THSD7A: variants seen among roughly 807,000 people sequenced by gnomAD.
THSD7A encodes thrombospondin type 1 domain containing 7A.
In THSD7A, 96 loss-of-function variants were observed where a neutral mutation model predicts 231.3. The ratio of observed to expected loss-of-function variants is 0.41; its 90% CI spans 0.35 to 0.49. The LOEUF (loss-of-function observed/expected upper bound fraction) is 0.49, where lower values mean the gene tolerates loss of function less well. Ranked by LOEUF, THSD7A falls within the 20% of genes least tolerant of loss-of-function variation. The pLI, the probability that THSD7A is intolerant of heterozygous loss-of-function variation, is 0.05. For missense variants in THSD7A, 2,290 were observed against 2,070.2 expected, an observed-to-expected ratio of 1.11 and a Z score of -2.06; for synonymous variants, 940 against 743.3, an observed-to-expected ratio of 1.26 and a Z score of -4.30.
At chr7:11,493,257 A>G (rs1333070154) in intron 6 of THSD7A, among the ~76,000 whole-genome samples, 3 of 152,130 alleles carry the variant, frequency 2.0e-5, no homozygotes, top group African/African-American at 4.8e-5. Flanking sequence ...TAAAATGTTC[A>G]TATCTGACCT....
In THSD7A at chr7:11,632,796, A is replaced by G. The variant is rs576995788; in HGVS notation, c.1022+3334T>C. Among the ~76,000 whole-genome samples the G allele has an allele frequency of 6.6e-6, 1 of 152,186 alleles. No homozygotes were observed. The highest frequency in any genetic ancestry group is 1.5e-5 in the Non-Finnish European group (1 of 68,030). ...TTATTTCAACTTCTTCTTGCAGAAT[A>G]TTAGTCTTGTACAATTTCGATGTGT... On this transcript the variant is annotated intron_variant, in intron 2 of 27. Coordinates refer to ENST00000423059, the MANE Select transcript of THSD7A (RefSeq NM_015204.3). The surrounding 1 kb of genome is among the most constrained non-coding windows in gnomAD (Gnocchi z 4.1).
intron 2 of THSD7A, among the ~76,000 whole-genome samples, chr7:11,607,441 G>T (rs1035410250): frequency 1.3e-5 from 2 of 151,938 alleles, no homozygotes; most frequent in Non-Finnish European, 2.9e-5. Flanking sequence ...TTTACTAAAA[G>T]ATCAGTAATG....
At chr7:11,627,472 G>A (rs1229709741) in intron 2 of THSD7A, among the ~76,000 whole-genome samples, 1 of 151,844 alleles carries the variant, frequency 6.6e-6, no homozygotes, top group East Asian at 1.9e-4. Context: ...CACATTTCCT[G>A]AGAAAACCTT....
intron 1 of THSD7A, among the ~76,000 whole-genome samples, chr7:11,701,195 T>TGTG (rs1780589975): frequency 6.6e-6 from 1 of 151,026 alleles, no homozygotes; most frequent in Non-Finnish European, 1.5e-5. Flanking sequence ...TGTGTGTGTG[T>TGTG]TTTATGAGGG....
chr7:11,692,980 A>T (rs1780280469), intron 1 of THSD7A, among the ~76,000 whole-genome samples: 2 of 151,478 alleles, frequency 1.3e-5, no homozygotes, highest in South Asian at 4.1e-4. Context: ...AGGGTATCTC[A>T]TGCTATAAGG....
intron 1 of THSD7A, among the ~76,000 whole-genome samples, chr7:11,760,325 AATAG>A (rs1399662818): frequency 2.0e-5 from 3 of 152,112 alleles, no homozygotes; most frequent in East Asian, 3.8e-4. Flanking sequence ...AGTAACGTTT[AATAG>A]ATAGTGCTTC....
chr7:11,372,051 G>T lies in THSD7A; in HGVS notation c.*3743C>A, dbSNP rs1228725686. 6.6e-6 allele frequency: 1 copy of T among 151,988 alleles called. No homozygotes were observed. Among genetic ancestry groups the T allele is most frequent in the African/African-American group, 2.4e-5 (1 of 41,380 alleles). The allele number at this position is 151,988 out of a possible 1,614,324, so 9.4% of individuals were successfully genotyped here. On this transcript the variant is annotated 3_prime_UTR_variant, in exon 28 of 28. Transcript: ENST00000423059. ...TGTGTGAGAGGTCTATTCAATTTCTGTGAGAAGGAAGACGTGAATTTACCT... is the reference window on the plus strand; with the variant it reads ...TGTGTGAGAGGTCTATTCAATTTCTTTGAGAAGGAAGACGTGAATTTACCT...
chr7:11,770,114 G>C (rs1783174857), intron 1 of THSD7A, among the ~76,000 whole-genome samples: 1 of 151,704 alleles, frequency 6.6e-6, no homozygotes, highest in Non-Finnish European at 1.5e-5. Flanking sequence ...ATAAAAACTT[G>C]AAAAAATAAC....
At chr7:11,624,992 A>C (rs1781433481) in intron 2 of THSD7A, among the ~76,000 whole-genome samples, 1 of 152,092 alleles carries the variant, frequency 6.6e-6, no homozygotes, top group Non-Finnish European at 1.5e-5. Context: ...ACAAACCAAA[A>C]TGTATCAGTA....
chr7:11,558,430 T>C (rs1292851569), intron 4 of THSD7A, among the ~76,000 whole-genome samples: 5 of 152,174 alleles, frequency 3.3e-5, no homozygotes, highest in Admixed American at 1.3e-4. Flanking sequence ...TCCGATCTAC[T>C]ATAGTACCAC....
intron 1 of THSD7A, among the ~76,000 whole-genome samples, chr7:11,810,609 T>A (rs1388079996): frequency 6.6e-6 from 1 of 152,174 alleles, no homozygotes; most frequent in Non-Finnish European, 1.5e-5. Context: ...ATGGGGAGAA[T>A]AACTTTGCTA....
At chr7:11,450,374 C>G (rs892078349) in intron 11 of THSD7A, among the ~76,000 whole-genome samples, 6 of 151,984 alleles carry the variant, frequency 3.9e-5, no homozygotes. Context: ...CTGCACTTTA[C>G]ACCTCTTATC....
chr7:11,378,120 C>T (rs1443761619), intron 26 of THSD7A: 4 of 152,096 alleles, frequency 2.6e-5, no homozygotes, highest in Admixed American at 6.6e-5. Flanking sequence ...ATTTATTCTC[C>T]AATAAGGGAA....
At chr7:11,379,314 G>C (rs774480440) in intron 25 of THSD7A, 34 bp from the exon 26 acceptor site, 2 of 1,601,238 alleles carry the variant, frequency 1.2e-6, no homozygotes, top group African/African-American at 2.7e-5. Context: ...TACTAGCCAT[G>C]CAAGGAATCT....
At chr7:11,378,799 C>A in intron 26 of THSD7A, 1 of 376,468 alleles carries the variant, frequency 2.7e-6, no homozygotes, top group Non-Finnish European at 4.8e-6. Context: ...ATTAATTATA[C>A]TTGTAATTTT....
chr7:11,496,378 C>T lies in THSD7A; in HGVS notation c.1823-14396G>A, dbSNP rs191406980. On this transcript the variant is annotated intron_variant, in intron 6 of 27. Coordinates refer to ENST00000423059, the MANE Select transcript of THSD7A (RefSeq NM_015204.3). ...TTCAATAATACACTATTGTATGTGG[C>T]AAGAAAATATGCGAGAGGTGATCCA... 2.6e-3 allele frequency among the ~76,000 whole-genome samples: 403 copies of T among 152,132 alleles called. 2 individuals are homozygous for T. Among genetic ancestry groups the T allele is most frequent in the African/African-American group, 9.2e-3 (382 of 41,510 alleles).
At chr7:11,819,780 A>G (rs1193506272) in intron 1 of THSD7A, among the ~76,000 whole-genome samples, 2 of 152,216 alleles carry the variant, frequency 1.3e-5, no homozygotes, top group Non-Finnish European at 2.9e-5. Flanking sequence ...TAGAATGTGC[A>G]ATCCAAAGAG....
chr7:11,538,956 T>C (rs545434273), intron 6 of THSD7A, among the ~76,000 whole-genome samples: 40 of 152,310 alleles, frequency 2.6e-4, no homozygotes, highest in African/African-American at 9.6e-4. Flanking sequence ...AGTTGTGAAA[T>C]CTGTGAGGAA....
At chr7:11,387,803 T>A (rs896508872) in intron 23 of THSD7A, among the ~76,000 whole-genome samples, 2 of 152,084 alleles carry the variant, frequency 1.3e-5, no homozygotes, top group East Asian at 3.9e-4. Context: ...CAAAGGGAAT[T>A]CTTCCAGTTA....
Sources: gnomAD v4.1 joint callset for allele counts (sites outside exome capture counted in the v4.1 genomes callset) on GRCh38, gnomAD v4.1.1 for gene constraint, Gnocchi (gnomAD v3.1) non-coding constraint, MANE v1.5 for transcripts, NCBI Gene and HGNC (gene_info 2026-07-23, HGNC 2026-07-21) for gene names.